Variants in LDB1 observed in about 807,000 individuals in gnomAD.
LDB1 encodes LIM domain binding 1.
LDB1 carries 6 observed loss-of-function variants against 49.7 expected under a neutral mutation model. The ratio of observed to expected loss-of-function variants is 0.12; its 90% CI spans 0.07 to 0.24. The LOEUF is 0.24. LDB1 is among the 10% of genes least tolerant of loss of function. The pLI is 1.00. For missense variants in LDB1, 341 were observed against 561.7 expected, an observed-to-expected ratio of 0.61 and a Z score of 3.97; for synonymous variants, 233 against 202.0, an observed-to-expected ratio of 1.15 and a Z score of -1.30.
intron 2 of LDB1, 22 bp from the exon 3 acceptor site, chr10:102,111,322 G>A (rs760336781): frequency 1.1e-5 from 17 of 1,613,106 alleles, no homozygotes; most frequent in African/African-American, 9.3e-5. Context: ...AAGAGGCTAT[G>A]AGAATGGGGG....
In LDB1 at chr10:102,109,493, G is replaced by A. The variant is rs755812961; in HGVS notation, c.747C>T (p.Leu249=). 9 of 1,614,130 alleles carry A rather than the reference G, an allele frequency of 5.6e-6. No individual in the cohort carries two copies. Among genetic ancestry groups the A allele is most frequent in the Non-Finnish European group, 7.6e-6 (9 of 1,180,014 alleles). Residue 249 remains leucine (L), a synonymous_variant, in exon 9 of 11, where the codon CTC becomes CTT. Coordinates refer to ENST00000673968, the MANE Select transcript of LDB1 (RefSeq NM_001113407.3). This position sits in a 1 kb window ranked among gnomAD's most constrained non-coding sequence, Gnocchi z 5.8. ...GTGACATGAGCTCTTGCATGGGCTC[G>A]AGTATCACACAGAGCTAGGGGTAGA... is the stretch of plus-strand genomic sequence containing the variant. ...TLNYLRLCVI[L]EPMQELMSRH...
At position 102,109,284 on chromosome 10, in the gene LDB1, C is replaced by G. The variant is rs1590280693; in HGVS notation, c.856+100G>C. 4 of 1,602,832 alleles carry G rather than the reference C, an allele frequency of 2.5e-6. No homozygotes were observed. Among genetic ancestry groups the G allele is most frequent in the East Asian group, 4.5e-5 (2 of 44,742 alleles). ...TGCCCTGATCCCAATTTTGTAGACC[C>G]GGGAACAAGGAAGGGGTGGGGAAAA... On this transcript the variant is annotated intron_variant, in intron 9 of 10. Transcript: ENST00000673968. This position sits in a 1 kb window ranked among gnomAD's most constrained non-coding sequence, Gnocchi z 5.8.
intron 5 of LDB1, 57 bp from the exon 6 acceptor site, chr10:102,110,758 A>G (rs550128362): frequency 1.3e-6 from 2 of 1,586,656 alleles, no homozygotes; most frequent in South Asian, 2.2e-5. Flanking sequence ...GGCCAGGCAG[A>G]TGCCTCCCCT....
At chr10:102,106,306 T>C (rs1176473974), downstream of LDB1, among the ~76,000 whole-genome samples, 2 of 151,636 alleles carry the variant, frequency 1.3e-5, no homozygotes, top group Non-Finnish European at 2.9e-5. Flanking sequence ...CTGGGACATC[T>C]GGGAACAAAC....
At chr10:102,110,801 C>G (rs2068241186) in intron 5 of LDB1, 68 bp downstream of exon 5, 1 of 1,581,292 alleles carries the variant, frequency 6.3e-7, no homozygotes, top group Admixed American at 1.7e-5. Flanking sequence ...ACTCCCAGAC[C>G]CACTTCTAGA....
At chr10:102,102,261 A>C (rs951643689), downstream of LDB1, among the ~76,000 whole-genome samples, 4 of 152,240 alleles carry the variant, frequency 2.6e-5, no homozygotes, top group Admixed American at 2.6e-4. Flanking sequence ...TGTGCTGTGC[A>C]TGGAACAATG....
At chr10:102,114,654 C>T (rs999504524) in intron 1 of LDB1, 10 of 959,998 alleles carry the variant, frequency 1.0e-5, no homozygotes, top group Non-Finnish European at 1.2e-5. Flanking sequence ...GGCCGGGGGC[C>T]AGGGGGCCGG....
Position 102,119,990 on chromosome 10 carries a change from C to T in LDB1, c.25+96G>A, listed in dbSNP as rs563004993. Reference sequence around the variant, plus strand: ...CAGCCCCCGGCTTCCCCCATGCCATCGACGCCCCCCACACAAGTTCTCGCC... The same window carrying T: ...CAGCCCCCGGCTTCCCCCATGCCATTGACGCCCCCCACACAAGTTCTCGCC... On this transcript the variant is annotated intron_variant, in intron 1 of 10. Coordinates refer to ENST00000673968, the MANE Select transcript of LDB1 (RefSeq NM_001113407.3). 32 of 975,342 alleles carry T rather than the reference C, an allele frequency of 3.3e-5. No individual in the cohort carries two copies. The South Asian group carries it at 5.9e-4, about 18-fold the overall frequency. 60.4% of individuals were successfully genotyped at this position (975,342 alleles called of 1,614,324 possible).
At chr10:102,111,758 G>A (rs2068258044) in intron 1 of LDB1, among the ~76,000 whole-genome samples, 1 of 152,176 alleles carries the variant, frequency 6.6e-6, no homozygotes, top group African/African-American at 2.4e-5. Context: ...GGCTGAGGCA[G>A]GAGGATCACT....
At position 102,109,367 on chromosome 10, in the gene LDB1, A is replaced by G; in HGVS notation, c.856+17T>C. 6.2e-7 allele frequency: 1 copy of G among 1,613,854 alleles called. No individual in the cohort carries two copies. The highest frequency in any genetic ancestry group is 1.1e-5 in the South Asian group (1 of 91,068). ...AGCGGTGTGAGATCCTGGTAAGAGC[A>G]GGTGCAAGGCACTCACCAGGGGGTG... On this transcript the variant is annotated intron_variant, in intron 9 of 10. Coordinates refer to ENST00000673968, the MANE Select transcript of LDB1 (RefSeq NM_001113407.3). The surrounding 1 kb of genome is among the most constrained non-coding windows in gnomAD (Gnocchi z 5.8).
intron 1 of LDB1, among the ~76,000 whole-genome samples, chr10:102,112,424 G>T (rs146904472): frequency 1.3e-5 from 2 of 152,134 alleles, no homozygotes; most frequent in African/African-American, 2.4e-5. Flanking sequence ...AGACCAAAGT[G>T]GGGGAGGAAA....
At chr10:102,113,177 C>T (rs2068280608) in intron 1 of LDB1, among the ~76,000 whole-genome samples, 6 of 152,176 alleles carry the variant, frequency 3.9e-5, no homozygotes, top group Admixed American at 3.9e-4. Flanking sequence ...AATTCTCTCC[C>T]CAGAGCCCTG....
chr10:102,114,936 G>T, intron 1 of LDB1: 2 of 719,284 alleles, frequency 2.8e-6, no homozygotes, highest in Non-Finnish European at 1.7e-6. Context: ...CCGGCTGCCT[G>T]CCTTTCTCCC....
At chr10:102,108,351 A>C in intron 10 of LDB1, 28 bp from the exon 11 acceptor site, 1 of 1,588,882 alleles carries the variant, frequency 6.3e-7, no homozygotes, top group Non-Finnish European at 8.6e-7. Flanking sequence ...CCCCAAACAT[A>C]ATCGGGGCAA....
chr10:102,115,760 C>T (rs941436657), intron 1 of LDB1, among the ~76,000 whole-genome samples: 2 of 152,112 alleles, frequency 1.3e-5, no homozygotes, highest in Non-Finnish European at 2.9e-5. Flanking sequence ...GTGGATAGGA[C>T]CTGTTCTCCC....
chr10:102,102,145 G>A (rs1258472867), downstream of LDB1, among the ~76,000 whole-genome samples: 2 of 152,096 alleles, frequency 1.3e-5, no homozygotes, highest in African/African-American at 4.8e-5. Context: ...GGTGGGTCTT[G>A]AACTCCTGAC....
chr10:102,107,329 C>A lies in LDB1; in HGVS notation c.*764G>T, dbSNP rs1461965611. 6.6e-6 allele frequency among the ~76,000 whole-genome samples: 1 copy of A among 152,076 alleles called. No individual in the cohort carries two copies. The highest frequency in any genetic ancestry group is 1.9e-4 in the East Asian group (1 of 5,192). ...GCAGGGGTCTGTCACCAAAATGTGG[C>A]CACCAATGTCCCCCTACCCCATGGC... On this transcript the variant is annotated 3_prime_UTR_variant, in exon 11 of 11. Coordinates refer to ENST00000673968, the MANE Select transcript of LDB1 (RefSeq NM_001113407.3).
chr10:102,119,234 G>A (rs972586256), intron 1 of LDB1, among the ~76,000 whole-genome samples: 7 of 152,092 alleles, frequency 4.6e-5, no homozygotes, highest in Admixed American at 6.5e-5. Flanking sequence ...GAGGCCCTCT[G>A]TAGACTACCT....
intron 1 of LDB1, among the ~76,000 whole-genome samples, chr10:102,118,651 G>T (rs1275613821): frequency 6.6e-6 from 1 of 152,206 alleles, no homozygotes; most frequent in East Asian, 1.9e-4. Flanking sequence ...CCTCTAGCTT[G>T]TTCAGATCCT....
Sources: allele counts gnomAD v4.1 joint callset (sites outside exome capture counted in the v4.1 genomes callset), GRCh38; gene constraint gnomAD v4.1.1; non-coding constraint Gnocchi (gnomAD v3.1); transcripts MANE v1.5; gene names NCBI Gene and HGNC (gene_info 2026-07-23, HGNC 2026-07-21).